Variants in TENM3 observed in about 807,000 individuals in gnomAD.
TENM3 encodes the protein teneurin-3.
A neutral mutation model predicts 255.1 loss-of-function variants in TENM3; 63 were observed. The observed-to-expected ratio is 0.25, with a 90% confidence interval of 0.20 to 0.30. TENM3 has a LOEUF of 0.30. TENM3 is among the 10% of genes least tolerant of loss of function. The probability of loss-of-function intolerance (pLI) is 1.00; values close to 1 mark genes in which losing one functional copy is unlikely to be tolerated. For synonymous variants in TENM3, 1,306 were observed against 1,322.3 expected, an observed-to-expected ratio of 0.99 and a Z score of 0.27; for missense variants, 2,929 against 3,461.1, an observed-to-expected ratio of 0.85 and a Z score of 3.86.
the TENM3 span, among the ~76,000 whole-genome samples, chr4:181,692,304 G>A: frequency 6.6e-6 from 1 of 152,150 alleles, no homozygotes; most frequent in Non-Finnish European, 1.5e-5. Flanking sequence ...AATTTTCACT[G>A]TGTTGTCTTA....
chr4:181,777,810 G>A, the TENM3 span, among the ~76,000 whole-genome samples: 9 of 151,892 alleles, frequency 5.9e-5, no homozygotes, highest in African/African-American at 1.9e-4. Flanking sequence ...TGAAATTCAC[G>A]ACAGTTGCCC....
intron 24 of TENM3, among the ~76,000 whole-genome samples, chr4:182,777,398 C>T (rs914404183): frequency 6.6e-6 from 1 of 151,828 alleles, no homozygotes; most frequent in African/African-American, 2.4e-5. Flanking sequence ...AAGAGAGGGG[C>T]TATGTGAACA....
At chr4:182,335,292 A>T (rs1263064168) in intron 2 of TENM3, among the ~76,000 whole-genome samples, 1 of 76,816 alleles carries the variant, frequency 1.3e-5, no homozygotes, top group Non-Finnish European at 3.0e-5. Flanking sequence ...AGGTCAGGAG[A>T]TCGAGACCAT....
the TENM3 span, among the ~76,000 whole-genome samples, chr4:181,996,701 A>C: frequency 1.3e-5 from 2 of 152,220 alleles, no homozygotes; most frequent in African/African-American, 4.8e-5. Context: ...GGCTTGGATC[A>C]AGGTTATTCC....
intron 3 of TENM3, among the ~76,000 whole-genome samples, chr4:182,503,993 ATAT>A (rs1173076693): frequency 1.3e-5 from 2 of 151,598 alleles, no homozygotes; most frequent in African/African-American, 4.8e-5. Flanking sequence ...ACTATCTGAC[ATAT>A]TATCTAATTT....
At chr4:181,936,898 A>C in the TENM3 span, among the ~76,000 whole-genome samples, 1 of 152,146 alleles carries the variant, frequency 6.6e-6, no homozygotes, top group Non-Finnish European at 1.5e-5. Context: ...AAAAGAAAAC[A>C]ATGTTTCCTG....
At chr4:181,611,065 AT>A in the TENM3 span, among the ~76,000 whole-genome samples, 2 of 152,124 alleles carry the variant, frequency 1.3e-5, no homozygotes, top group Admixed American at 6.5e-5. Context: ...ATCACTCTTG[AT>A]TATATTTTGG....
At chr4:181,988,332 C>T in the TENM3 span, among the ~76,000 whole-genome samples, 1 of 152,066 alleles carries the variant, frequency 6.6e-6, no homozygotes, top group African/African-American at 2.4e-5. Flanking sequence ...TCATCAACCT[C>T]TCGTAGCAAC....
the TENM3 span, among the ~76,000 whole-genome samples, chr4:181,979,667 A>C: frequency 6.6e-6 from 1 of 151,944 alleles, no homozygotes; most frequent in Admixed American, 6.6e-5. Context: ...TGGCCATATG[A>C]TGATGCTCAG....
chr4:181,988,251 G>T, the TENM3 span, among the ~76,000 whole-genome samples: 1 of 151,772 alleles, frequency 6.6e-6, no homozygotes, highest in Non-Finnish European at 1.5e-5. Context: ...CATATTTCCT[G>T]CTGTGCCATC....
rs146995516 is a variant in TENM3, at chr4:182,639,950, C to T, written c.988+11061C>T. Among the ~76,000 whole-genome samples the T allele has an allele frequency of 3.4e-3, 519 of 152,066 alleles. 3 individuals carry two copies. The highest frequency in any genetic ancestry group is 0.034 in the Middle Eastern group (10 of 294). ...GCTAAAATACAAAAAATTAGCCGGG[C>T]GTGGTGGCGCGCACCTGTAGTCCCA... is the stretch of plus-strand genomic sequence containing the variant. On this transcript the variant is annotated intron_variant, in intron 5 of 27. Transcript: ENST00000511685.
intron 1 of TENM3, among the ~76,000 whole-genome samples, chr4:182,283,524 C>T (rs200652375): frequency 3.0e-3 from 451 of 152,254 alleles, no homozygotes; most frequent in African/African-American, 0.01. Context: ...GGTACACTTT[C>T]TAGGATAAAG....
intron 22 of TENM3, among the ~76,000 whole-genome samples, chr4:182,764,869 T>C: frequency 6.6e-6 from 1 of 151,932 alleles, no homozygotes; most frequent in Non-Finnish European, 1.5e-5. Context: ...AATGTAAGGA[T>C]AGATTTAAGG....
chr4:182,031,896 T>G, the TENM3 span, among the ~76,000 whole-genome samples: 3 of 152,224 alleles, frequency 2.0e-5, no homozygotes, highest in Non-Finnish European at 4.4e-5. Flanking sequence ...TTTTGCACAT[T>G]GATTTTGTAT....
intron 1 of TENM3, among the ~76,000 whole-genome samples, chr4:182,245,043 G>T (rs1284071240): frequency 6.6e-6 from 1 of 152,138 alleles, no homozygotes; most frequent in Admixed American, 6.5e-5. Flanking sequence ...TGAAGCAAAG[G>T]CTTCAGAAAC....
chr4:182,688,336 G>A lies in TENM3; in HGVS notation c.2206G>A (p.Glu736Lys), dbSNP rs1330977778. The change falls in exon 12 of 28, where the codon GAG (glutamate) becomes AAG (lysine). Residue 736 changes from glutamate to lysine, a missense_variant. By Grantham distance (56) the Glu-to-Lys change is moderately conservative (BLOSUM62 1). This residue lies in a region of TENM3 where 1,608 missense variants were observed against 1,884.4 expected (regional missense o/e 0.85). Coordinates refer to ENST00000511685, the MANE Select transcript of TENM3 (RefSeq NM_001080477.4). Reference sequence around the variant, plus strand: ...TGAATGCAGCCAGGGCTGGAATGGAGAGCACTGCACTATCGGTAGGCTTAC... The same window carrying A: ...TGAATGCAGCCAGGGCTGGAATGGAAAGCACTGCACTATCGGTAGGCTTAC... ...KCECSQGWNG[E>K]HCTIEGCPGL... 6.2e-7 allele frequency: 1 copy of A among 1,612,788 alleles called. No homozygotes were observed.
At chr4:181,927,433 G>A in the TENM3 span, among the ~76,000 whole-genome samples, 12,630 of 152,280 alleles carry the variant, frequency 0.083, 1,364 homozygotes, top group African/African-American at 0.25. Context: ...GGAGCCCACC[G>A]CAGCTCAGCA....
At chr4:181,617,464 G>A in the TENM3 span, among the ~76,000 whole-genome samples, 26 of 152,256 alleles carry the variant, frequency 1.7e-4, no homozygotes, top group African/African-American at 6.3e-4. Flanking sequence ...AGACTGGGTT[G>A]GGGACAGAGC....
At chr4:181,686,528 C>T in the TENM3 span, among the ~76,000 whole-genome samples, 2 of 151,972 alleles carry the variant, frequency 1.3e-5, no homozygotes, top group Non-Finnish European at 2.9e-5. Context: ...ATTTATTGCG[C>T]CCAATTAGGT....
Sources: gnomAD v4.1 joint callset for allele counts (sites outside exome capture counted in the v4.1 genomes callset) on GRCh38, gnomAD v4.1.1 for gene constraint, gnomAD v4.1.1 regional missense constraint, MANE v1.5 for transcripts, NCBI Gene and HGNC (gene_info 2026-07-23, HGNC 2026-07-21) for gene names.